The following LDB3 variants were observed in gnomAD, a reference collection of about 807,000 sequenced individuals.
LDB3 encodes LIM domain-binding protein 3.
Under a neutral mutation model 69.0 loss-of-function variants are expected in LDB3, and 49 were observed. That is an observed-to-expected ratio of 0.71 (90% CI 0.56 to 0.90). The LOEUF is 0.90. Among genes scored for constraint, LDB3 ranks in the 40% least tolerant of loss-of-function variants. The pLI, the probability that LDB3 is intolerant of heterozygous loss-of-function variation, is 0.00. For synonymous variants in LDB3, 387 were observed against 396.2 expected, an observed-to-expected ratio of 0.98 and a Z score of 0.28; for missense variants, 928 against 974.1, an observed-to-expected ratio of 0.95 and a Z score of 0.63.
intron 7 of LDB3, among the ~76,000 whole-genome samples, chr10:86,703,497 C>T (rs1279047134): frequency 6.6e-6 from 1 of 152,232 alleles, no homozygotes; most frequent in Non-Finnish European, 1.5e-5. Flanking sequence ...AAGACCTGGG[C>T]AGGATGTAAC....
chr10:86,717,898 T>G, intron 10 of LDB3, 66 bp from the exon 11 acceptor site: 3 of 1,448,428 alleles, frequency 2.1e-6, no homozygotes, highest in Non-Finnish European at 2.9e-6. Context: ...AGTGTTGGGG[T>G]TCTTCAAATA....
In LDB3 at chr10:86,699,981, T is replaced by G; in HGVS notation, c.897-6550T>G. On this transcript the variant is annotated intron_variant, in intron 7 of 13. Coordinates refer to ENST00000361373, the MANE Select transcript of LDB3 (RefSeq NM_007078.3). The surrounding 1 kb of genome is among the most constrained non-coding windows in gnomAD (Gnocchi z 4.9). ...TCCTTTCTGTACCGTGTGTGCTGGC[T>G]CCATAGTTCTCTCTTCTGTACATAT... 1.0e-6 allele frequency: 1 copy of G among 993,176 alleles called. No homozygotes were observed. Among genetic ancestry groups the G allele is most frequent in the Non-Finnish European group, 1.2e-6 (1 of 834,076 alleles). The allele number at this position is 993,176 out of a possible 1,614,324, so 61.5% of individuals were successfully genotyped here.
At chr10:86,707,460 C>T (rs1039295965) in intron 8 of LDB3, among the ~76,000 whole-genome samples, 4 of 152,026 alleles carry the variant, frequency 2.6e-5, no homozygotes, top group African/African-American at 9.7e-5. Context: ...AGACACCCAG[C>T]AAGCAGAGAC....
At chr10:86,686,692 G>C (rs966637745) in intron 5 of LDB3, among the ~76,000 whole-genome samples, 24 of 151,602 alleles carry the variant, frequency 1.6e-4, no homozygotes, top group African/African-American at 5.6e-4. Context: ...TGTGGTCCTA[G>C]CTACCTCAGG....
chr10:86,685,799 T>C, intron 5 of LDB3: 1 of 1,331,932 alleles, frequency 7.5e-7, no homozygotes, highest in African/African-American at 1.4e-5. Context: ...CTGGCATGTG[T>C]ACATGTATGT....
intron 7 of LDB3, among the ~76,000 whole-genome samples, chr10:86,697,112 C>T (rs1286860316): frequency 6.6e-6 from 1 of 152,158 alleles, no homozygotes; most frequent in African/African-American, 2.4e-5. Flanking sequence ...TGGGGGCCAG[C>T]CCCGATGACT....
At position 86,726,231 on chromosome 10, in the gene LDB3, C is replaced by T. The variant is rs45486293; in HGVS notation, c.2073C>T (p.His691=). 8.0e-5 allele frequency: 129 copies of T among 1,613,816 alleles called. No individual in the cohort carries two copies. The highest frequency in any genetic ancestry group is 9.9e-5 in the South Asian group (9 of 91,076). The change falls in exon 13 of 14, where the codon CAC becomes CAT. Residue 691 remains histidine (H), a synonymous_variant. Transcript: ENST00000361373. ...KFIEALGHTW[H]DTCFICAVCH... ...TCGAAGCCCTGGGCCACACTTGGCA[C>T]GACACCTGCTTCATTTGCGCAGTAT...
At chr10:86,683,872 G>A (rs1013404241) in intron 5 of LDB3, among the ~76,000 whole-genome samples, 2 of 152,180 alleles carry the variant, frequency 1.3e-5, no homozygotes, top group Admixed American at 6.5e-5. Context: ...CTCATGACCC[G>A]TTCAGTCTGC....
chr10:86,668,794 C>A lies in LDB3; in HGVS notation c.93+10C>A, dbSNP rs1222755412. 9 of 1,607,720 alleles carry A rather than the reference C, an allele frequency of 5.6e-6. No individual in the cohort carries two copies. The highest frequency in any genetic ancestry group is 3.4e-6 in the Non-Finnish European group (4 of 1,175,188). On this transcript the variant is annotated intron_variant, in intron 2 of 13. Coordinates refer to ENST00000361373, the MANE Select transcript of LDB3 (RefSeq NM_007078.3). ...CCTCACTATCTCCCGGGTGAGTGCA[C>A]CCTGCCACAGCCTGGCACCCGATGG...
rs567900946 is a variant in LDB3, at chr10:86,703,947, C to T, written c.897-2584C>T. On this transcript the variant is annotated intron_variant, in intron 7 of 13. Coordinates refer to ENST00000361373, the MANE Select transcript of LDB3 (RefSeq NM_007078.3). ...TGGCCAACATGGTGAAACCCCAACT[C>T]TACTAAAAATAGAAAAATTAGCCAG... 2.6e-5 allele frequency among the ~76,000 whole-genome samples: 4 copies of T among 152,120 alleles called. No individual in the cohort carries two copies. In the East Asian group the frequency reaches 7.8e-4, roughly 29 times the overall value.
chr10:86,716,440 C>T lies in LDB3; in HGVS notation c.1345C>T (p.Pro449Ser), dbSNP rs1846876181. The T allele has an allele frequency of 6.3e-7, 1 of 1,590,616 alleles. No homozygotes were observed. The highest frequency in any genetic ancestry group is 8.6e-7 in the Non-Finnish European group (1 of 1,168,882). The change falls in exon 10 of 14, where the codon CCT (proline) becomes TCT (serine). Residue 449 changes from proline to serine, a missense_variant. Transcript: ENST00000361373. ...CCCTGCCCCTGCCTACACCCCCTCA[C>T]CTGTCCCCACCTACACTCCATCCCC... ...PSPAPAYTPS[P>S]VPTYTPSPAP... is the part of the protein sequence containing the mutation.
intron 9 of LDB3, among the ~76,000 whole-genome samples, chr10:86,710,914 C>T (rs1424196751): frequency 6.6e-6 from 1 of 152,214 alleles, no homozygotes; most frequent in Non-Finnish European, 1.5e-5. Context: ...TTCATGGACA[C>T]CTTGTGTTCT....
Position 86,699,259 on chromosome 10 carries a change from C to T in LDB3, c.896+6688C>T. The T allele has an allele frequency of 6.2e-7, 1 of 1,611,234 alleles. No individual in the cohort carries two copies. The highest frequency in any genetic ancestry group is 8.5e-7 in the Non-Finnish European group (1 of 1,178,134). On this transcript the variant is annotated intron_variant, in intron 7 of 13. Transcript: ENST00000361373. This position sits in a 1 kb window ranked among gnomAD's most constrained non-coding sequence, Gnocchi z 4.9. ...TCTGTTTCTCTCTCTCTCTCTCTCTCTCTCTCTCTGTGCCACAGGGAAAGG... is the reference window on the plus strand; with the variant it reads ...TCTGTTTCTCTCTCTCTCTCTCTCTTTCTCTCTCTGTGCCACAGGGAAAGG...
At chr10:86,691,340 G>A (rs1427824352) in intron 5 of LDB3, among the ~76,000 whole-genome samples, 1 of 152,168 alleles carries the variant, frequency 6.6e-6, no homozygotes. Context: ...TGCCAGGGCT[G>A]TGCCTTGCTG....
intron 7 of LDB3, among the ~76,000 whole-genome samples, chr10:86,706,014 T>C (rs1012148231): frequency 6.6e-6 from 1 of 152,196 alleles, no homozygotes; most frequent in Non-Finnish European, 1.5e-5. Flanking sequence ...GTCTTGTTGG[T>C]GCCCTGAGTC....
At chr10:86,703,512 G>A (rs1347968262) in intron 7 of LDB3, among the ~76,000 whole-genome samples, 1 of 152,238 alleles carries the variant, frequency 6.6e-6, no homozygotes, top group Non-Finnish European at 1.5e-5. Context: ...TGTAACCACT[G>A]CTCTTGCCCA....
rs1247202805 is a variant in LDB3 at position 86,668,686 on chromosome 10, A to C, written c.-6A>C. 6.2e-7 allele frequency: 1 copy of C among 1,612,296 alleles called. No individual in the cohort carries two copies. Among genetic ancestry groups the C allele is most frequent in the African/African-American group, 1.3e-5 (1 of 74,870 alleles). ...GTCTGCAGAGGCGGCCGCTGACAGCACCAGCATGTCTTACAGTGTGACCCT... is the reference window on the plus strand; with the variant it reads ...GTCTGCAGAGGCGGCCGCTGACAGCCCCAGCATGTCTTACAGTGTGACCCT... On this transcript the variant is annotated 5_prime_UTR_variant, in exon 2 of 14. Coordinates refer to ENST00000361373, the MANE Select transcript of LDB3 (RefSeq NM_007078.3).
Position 86,706,534 on chromosome 10 carries a change from C to T in LDB3, c.900C>T (p.Thr300=). ...CTTTTTGGTCCCGCCTCATCAGCACCCCTATTGAGCATGCGCCGGTGTGCA... is the reference window on the plus strand; with the variant it reads ...CTTTTTGGTCCCGCCTCATCAGCACTCCTATTGAGCATGCGCCGGTGTGCA... ...PDEEALRRSS[T]PIEHAPVCTS... is the part of the protein sequence containing the mutation. Residue 300 remains threonine (T), a synonymous_variant, in exon 8 of 14, where the codon ACC becomes ACT. Coordinates refer to ENST00000361373, the MANE Select transcript of LDB3 (RefSeq NM_007078.3). 11 of 1,612,540 alleles carry T rather than the reference C, an allele frequency of 6.8e-6. No individual in the cohort carries two copies. Among genetic ancestry groups the T allele is most frequent in the East Asian group, 2.2e-5 (1 of 44,874 alleles).
intron 9 of LDB3, among the ~76,000 whole-genome samples, chr10:86,712,935 C>A (rs1846721921): frequency 6.6e-6 from 1 of 151,980 alleles, no homozygotes; most frequent in African/African-American, 2.4e-5. Context: ...GTGGCGGGCG[C>A]CTGTAGTCCC....
Sources: gnomAD v4.1 joint callset for allele counts (sites outside exome capture counted in the v4.1 genomes callset) on GRCh38, gnomAD v4.1.1 for gene constraint, Gnocchi (gnomAD v3.1) non-coding constraint, MANE v1.5 for transcripts, NCBI Gene and HGNC (gene_info 2026-07-23, HGNC 2026-07-21) for gene names.